PFKFB4: variants seen among roughly 807,000 people sequenced by gnomAD.
PFKFB4 encodes the protein 6-phosphofructo-2-kinase/fructose-2,6-bisphosphatase 4.
A neutral mutation model predicts 62.8 loss-of-function variants in PFKFB4; 42 were observed. The observed-to-expected ratio is 0.67, with a 90% CI of 0.52 to 0.86. The LOEUF (loss-of-function observed/expected upper bound fraction) is 0.86. PFKFB4 is among the 40% of genes least tolerant of loss of function. PFKFB4 has a pLI of 0.00. For synonymous variants in PFKFB4, 204 were observed against 240.7 expected (o/e 0.85, Z 1.41); for missense variants, 475 against 627.2 (o/e 0.76, Z 2.59).
chr3:48,547,229 T>C (rs2042992190), intron 3 of PFKFB4, among the ~76,000 whole-genome samples: 1 of 152,076 alleles, frequency 6.6e-6, no homozygotes, highest in Non-Finnish European at 1.5e-5. Flanking sequence ...TGAGCCCAAG[T>C]ATTTATATGT....
At chr3:48,562,898 A>T (rs780430031), upstream of PFKFB4, 209 of 1,605,236 alleles carry the variant, frequency 1.3e-4, no homozygotes, top group South Asian at 1.7e-3. The surrounding 1 kb of genome is among the most constrained non-coding windows in gnomAD (Gnocchi z 4.3). Flanking sequence ...GGGGACATCC[A>T]GCGATAGGAC....
At position 48,550,182 on chromosome 3, in the gene PFKFB4, C is replaced by A. The variant is rs764198402; in HGVS notation, c.150G>T (p.Arg50Ser). The A allele has an allele frequency of 2.5e-6, 4 of 1,614,176 alleles. No individual in the cohort carries two copies. The change falls in exon 2 of 14, where the codon AGG becomes AGT. Residue 50 changes from arginine (R) to serine (S), a missense_variant. Transcript: ENST00000232375. ...GCTTCTTGGAGATGTAGGTCTTGCC[C>A]CTGGCGGGCAGGCCCACCATGACAA... The part of the protein sequence containing the change: ...TLIVMVGLPA[R>S]GKTYISKKLT...
chr3:48,549,080 T>A (rs1415487992), intron 3 of PFKFB4, among the ~76,000 whole-genome samples: 4 of 152,128 alleles, frequency 2.6e-5, no homozygotes. Context: ...CCTAGGTTGA[T>A]AAGGGGCTTC....
chr3:48,536,725 A>C, intron 7 of PFKFB4: 1 of 475,588 alleles, frequency 2.1e-6, no homozygotes, highest in Non-Finnish European at 3.8e-6. Flanking sequence ...GTGACATCCA[A>C]AGTGGGGGGT....
intron 3 of PFKFB4, among the ~76,000 whole-genome samples, chr3:48,544,441 CTT>C (rs34817026): frequency 2.4e-4 from 24 of 100,394 alleles, no homozygotes; most frequent in African/African-American, 5.6e-4. Flanking sequence ...GTTTTCAGAT[CTT>C]TTTTTTTTTT....
intron 7 of PFKFB4, chr3:48,536,795 C>T: frequency 3.1e-6 from 1 of 326,098 alleles, no homozygotes; most frequent in Non-Finnish European, 5.8e-6. Flanking sequence ...CCCTGTTGGC[C>T]TATCTCCGCA....
chr3:48,562,490 A>C, upstream of PFKFB4: 2 of 445,314 alleles, frequency 4.5e-6, no homozygotes, highest in Admixed American at 3.9e-5. The surrounding 1 kb of genome is among the most constrained non-coding windows in gnomAD (Gnocchi z 4.3). Flanking sequence ...CTGTCCGGAC[A>C]TATATTAGGT....
rs141073518 is a variant in PFKFB4 at position 48,554,506 on chromosome 3, G to A, written c.97+2175C>T. ...GCCTACCCCAACACCCTGAGACACCGTGATGGCACGAGCCCCTCAGCTCAG... is the reference window on the plus strand; with the variant it reads ...GCCTACCCCAACACCCTGAGACACCATGATGGCACGAGCCCCTCAGCTCAG... On this transcript the variant is annotated intron_variant, in intron 1 of 13. Transcript: ENST00000232375. Among the ~76,000 whole-genome samples, 9 of 152,262 alleles carry A rather than the reference G, an allele frequency of 5.9e-5. No individual in the cohort carries two copies. In the South Asian group the frequency reaches 6.2e-4, roughly 11 times the overall value.
At chr3:48,529,693 T>C (rs2042375949) in intron 9 of PFKFB4, among the ~76,000 whole-genome samples, 1 of 152,182 alleles carries the variant, frequency 6.6e-6, no homozygotes, top group Non-Finnish European at 1.5e-5. Flanking sequence ...AAAGAGATTA[T>C]CAATTCTGAA....
At chr3:48,562,727 CTGCCCT>C (rs989210127), upstream of PFKFB4, 34 of 1,449,924 alleles carry the variant, frequency 2.3e-5, no homozygotes, top group Non-Finnish European at 2.8e-5. The surrounding 1 kb of genome is among the most constrained non-coding windows in gnomAD (Gnocchi z 4.3). Flanking sequence ...AGCTGTGTGG[CTGCCCT>C]CCAGGTCTTC....
chr3:48,562,740 C>T (rs1243164574), upstream of PFKFB4: 4 of 1,488,220 alleles, frequency 2.7e-6, no homozygotes, highest in Non-Finnish European at 3.6e-6. The surrounding 1 kb of genome is among the most constrained non-coding windows in gnomAD (Gnocchi z 4.3). Context: ...CCCTCCAGGT[C>T]TTCCCATCCA....
In PFKFB4 at chr3:48,556,221, A is replaced by G. The variant is rs959238659; in HGVS notation, c.97+460T>C. ...CTTCCTCCTGTTGGAAAACTAGCCC[A>G]CCTTTGAAAGTTCTGGGCTCAGAGA... On this transcript the variant is annotated intron_variant, in intron 1 of 13. Coordinates refer to ENST00000232375, the MANE Select transcript of PFKFB4 (RefSeq NM_004567.4). The surrounding 1 kb of genome is among the most constrained non-coding windows in gnomAD (Gnocchi z 5.7). 4.3e-6 allele frequency: 2 copies of G among 461,958 alleles called. No homozygotes were observed. The highest frequency in any genetic ancestry group is 8.7e-6 in the Non-Finnish European group (2 of 230,822). The allele number at this position is 461,958 out of a possible 1,614,324, so 28.6% of individuals were successfully genotyped here. A position where few individuals can be genotyped will look rare whatever the true frequency, so the allele number is the denominator to read the frequency against.
At chr3:48,557,453 G>C (rs746500854), upstream of PFKFB4, among the ~76,000 whole-genome samples, 14 of 152,232 alleles carry the variant, frequency 9.2e-5, no homozygotes, top group Non-Finnish European at 1.9e-4. Context: ...CGCTGGAAAA[G>C]CTCTTTTACC....
rs1484624431 is a variant in PFKFB4, at chr3:48,518,421, T to TC, written c.*1325dup. On this transcript the variant is annotated 3_prime_UTR_variant, in exon 14 of 14. Coordinates refer to ENST00000232375, the MANE Select transcript of PFKFB4 (RefSeq NM_004567.4). ...GGACTTGGGATCCAGGGGCCTGGCT[T>TC]CCCCAGAGTCCACCTGTGGACAGCA... The TC allele has an allele frequency of 6.6e-6, 1 of 152,270 alleles. No individual in the cohort carries two copies. Among genetic ancestry groups the TC allele is most frequent in the Non-Finnish European group, 1.5e-5 (1 of 68,072 alleles). 9.4% of individuals were successfully genotyped at this position (152,270 alleles called of 1,614,324 possible). A position where few individuals can be genotyped will look rare whatever the true frequency, so the allele number is the denominator to read the frequency against.
chr3:48,534,734 T>C (rs2042537088), intron 9 of PFKFB4, among the ~76,000 whole-genome samples: 1 of 148,056 alleles, frequency 6.8e-6, no homozygotes, highest in Non-Finnish European at 1.5e-5. Context: ...GGAGGTAACA[T>C]TATATCCAGA....
intron 1 of PFKFB4, among the ~76,000 whole-genome samples, chr3:48,552,839 C>T (rs1165600790): frequency 6.6e-6 from 1 of 152,228 alleles, no homozygotes; most frequent in Non-Finnish European, 1.5e-5. Context: ...TTCCCGCCTT[C>T]CACCCACATG....
intron 9 of PFKFB4, among the ~76,000 whole-genome samples, chr3:48,534,192 G>A (rs1055545611): frequency 1.3e-5 from 2 of 152,162 alleles, no homozygotes; most frequent in Non-Finnish European, 2.9e-5. Context: ...AAAAAAGACA[G>A]AGAAGAAATG....
At chr3:48,539,853 G>A in intron 4 of PFKFB4, 82 bp from the exon 5 acceptor site, 9 of 1,088,702 alleles carry the variant, frequency 8.3e-6, no homozygotes, top group Non-Finnish European at 1.1e-5. Context: ...GGCAGTGAGG[G>A]CCGCAGCACA....
chr3:48,557,889 T>C (rs1035572895), upstream of PFKFB4, among the ~76,000 whole-genome samples: 1 of 152,124 alleles, frequency 6.6e-6, no homozygotes, highest in African/African-American at 2.4e-5. Flanking sequence ...GCCCTGGGAG[T>C]ATCTTAATCG....
Sources: allele counts gnomAD v4.1 joint callset (sites outside exome capture counted in the v4.1 genomes callset), GRCh38; gene constraint gnomAD v4.1.1; non-coding constraint Gnocchi (gnomAD v3.1); transcripts MANE v1.5; gene names NCBI Gene and HGNC (gene_info 2026-07-23, HGNC 2026-07-21).